RP2: variants seen among roughly 807,000 people sequenced by gnomAD.
RP2 encodes RP2 activator of ARL3 GTPase.
A neutral mutation model predicts 20.3 loss-of-function variants in RP2; 3 were observed. That is an observed-to-expected ratio of 0.15 (90% CI 0.07 to 0.38). The LOEUF is 0.38. Among genes scored for constraint, RP2 ranks in the 10% least tolerant of loss-of-function variants. RP2 has a pLI of 1.00. For missense variants in RP2, 233 were observed against 268.5 expected (o/e 0.87, Z 0.92); for synonymous variants, 75 against 94.8 (o/e 0.79, Z 1.22).
intron 1 of RP2, among the ~76,000 whole-genome samples, chrX:46,838,644 C>T (rs1171277896): frequency 8.9e-6 from 1 of 112,269 alleles, no homozygotes; most frequent in Non-Finnish European, 1.9e-5. Context: ...TCTTGGCTGC[C>T]TATGACTCAT....
intron 1 of RP2, among the ~76,000 whole-genome samples, chrX:46,848,675 C>T (rs782341255): frequency 4.6e-5 from 5 of 109,342 alleles, no homozygotes; most frequent in African/African-American, 1.3e-4. Context: ...TGAGCCACCA[C>T]GCCTGGCCAC....
At chrX:46,849,523 C>T (rs1292899392) in intron 1 of RP2, among the ~76,000 whole-genome samples, 3 of 111,918 alleles carry the variant, frequency 2.7e-5, no homozygotes, top group African/African-American at 6.5e-5. Flanking sequence ...GCTGGGATTA[C>T]AGATGTGAGC....
chrX:46,862,251 A>G (rs978207126), intron 3 of RP2, among the ~76,000 whole-genome samples: 2 of 110,426 alleles, frequency 1.8e-5, no homozygotes, highest in East Asian at 5.7e-4. Context: ...GGTTGCCTGT[A>G]ATCACAGCTA....
chrX:46,860,817 T>C (rs1277360050), intron 3 of RP2, among the ~76,000 whole-genome samples: 1 of 112,191 alleles, frequency 8.9e-6, no homozygotes, highest in Non-Finnish European at 1.9e-5. Context: ...GCAGTGTTGA[T>C]TGGGTATTCC....
chrX:46,842,108 T>C (rs1924632534), intron 1 of RP2, among the ~76,000 whole-genome samples: 1 of 111,422 alleles, frequency 9.0e-6, no homozygotes, highest in South Asian at 3.8e-4. Context: ...GAGATGAGGT[T>C]TCACCATGTT....
chrX:46,853,717 A>G lies in RP2; in HGVS notation c.344A>G (p.Gln115Arg). 1 of 1,212,154 alleles carries G rather than the reference A, an allele frequency of 8.2e-7. No homozygotes were observed. The highest frequency in any genetic ancestry group is 1.1e-6 in the Non-Finnish European group (1 of 895,644). Residue 115 changes from glutamine (Q) to arginine (R), a missense_variant, in exon 2 of 5, where the codon CAA (glutamine) becomes CGA (arginine). By Grantham distance (43) the Gln-to-Arg change is conservative. This residue lies in a region of RP2 where 38 missense variants were observed against 72.9 expected (regional missense o/e 0.52). Transcript: ENST00000218340. ...CRDCKCTLAC[Q>R]QFRVRDCRKL... ...GATTGCAAGTGCACATTAGCCTGCC[A>G]ACAATTTCGTGTGCGAGATTGTAGA...
intron 2 of RP2, among the ~76,000 whole-genome samples, chrX:46,857,929 AT>A (rs1924994023): frequency 8.9e-6 from 1 of 112,038 alleles, no homozygotes; most frequent in African/African-American, 3.2e-5. Flanking sequence ...TGTCCATGTA[AT>A]TCTCTACAAT....
rs1925445812 is a variant in RP2, at chrX:46,880,083, A to T, written c.*314A>T. 7.2e-6 allele frequency: 1 copy of T among 139,858 alleles called. No homozygotes were observed. The highest frequency in any genetic ancestry group is 3.1e-5 in the African/African-American group (1 of 31,877). 11.5% of individuals were successfully genotyped at this position (139,858 alleles called of 1,213,427 possible). On this transcript the variant is annotated 3_prime_UTR_variant, in exon 5 of 5. Coordinates refer to ENST00000218340, the MANE Select transcript of RP2 (RefSeq NM_006915.3). ...AGTTTATTATTTTAATCCTATTTAA[A>T]TGTTCTTTCAAATCTCTAATAATTT...
intron 2 of RP2, among the ~76,000 whole-genome samples, chrX:46,857,948 T>C (rs1158521465): frequency 2.7e-5 from 3 of 112,044 alleles, no homozygotes; most frequent in African/African-American, 9.7e-5. Context: ...AATTTTTAAA[T>C]GTATGTTTCT....
At chrX:46,870,658 C>G (rs1417737048) in intron 3 of RP2, among the ~76,000 whole-genome samples, 5 of 112,120 alleles carry the variant, frequency 4.5e-5, no homozygotes, top group Non-Finnish European at 9.4e-5. Flanking sequence ...ACTACAATAG[C>G]TGAAACAGGC....
intron 1 of RP2, among the ~76,000 whole-genome samples, chrX:46,847,707 T>C (rs1453258947): frequency 2.5e-5 from 2 of 80,342 alleles, no homozygotes; most frequent in African/African-American, 1.0e-4. Context: ...TGTGTGTATA[T>C]ATACACACAT....
At chrX:46,855,687 G>C (rs782438767) in intron 2 of RP2, among the ~76,000 whole-genome samples, 50 of 109,741 alleles carry the variant, frequency 4.6e-4, no homozygotes, top group Non-Finnish European at 8.2e-4. Flanking sequence ...GGCTGGTCTC[G>C]AACTCCTGAC....
rs782780747 is a variant in RP2 at position 46,837,258 on chromosome X, C to G, written c.102+56C>G. ...CCTCCCTGAGCCGCTCCGCCAGGTC[C>G]CTTACGGCCCGGGACCGCTGAGGGG... On this transcript the variant is annotated intron_variant, in intron 1 of 4. Transcript: ENST00000218340. 72 of 1,083,576 alleles carry G rather than the reference C, an allele frequency of 6.6e-5. No homozygotes were observed. In the East Asian group the frequency reaches 2.3e-3, roughly 35 times the overall value. 89.3% of individuals were successfully genotyped at this position (1,083,576 alleles called of 1,213,427 possible). A position where few individuals can be genotyped will look rare whatever the true frequency, so the allele number is the denominator to read the frequency against.
intron 3 of RP2, among the ~76,000 whole-genome samples, chrX:46,862,396 C>T (rs1349716596): frequency 9.7e-6 from 1 of 102,601 alleles, no homozygotes; most frequent in African/African-American, 3.6e-5. Context: ...TGTGGTGGCT[C>T]ACGCCTGTAA....
At chrX:46,842,588 T>A (rs1247406178) in intron 1 of RP2, among the ~76,000 whole-genome samples, 1 of 112,020 alleles carries the variant, frequency 8.9e-6, no homozygotes, top group East Asian at 2.8e-4. Flanking sequence ...AACATTTTCA[T>A]CCCTGGAAAA....
chrX:46,857,752 G>T (rs1177472220), intron 2 of RP2, among the ~76,000 whole-genome samples: 2 of 111,559 alleles, frequency 1.8e-5, no homozygotes, highest in Non-Finnish European at 3.8e-5. Flanking sequence ...TCAAATATCT[G>T]CAGTGAAATA....
intron 1 of RP2, among the ~76,000 whole-genome samples, chrX:46,848,787 G>A (rs989597644): frequency 9.1e-6 from 1 of 109,709 alleles, no homozygotes; most frequent in Non-Finnish European, 1.9e-5. Flanking sequence ...CCAGCACTTT[G>A]GGAGGCTGAG....
intron 2 of RP2, among the ~76,000 whole-genome samples, chrX:46,859,402 T>C (rs554753840): frequency 2.8e-5 from 3 of 107,646 alleles, no homozygotes; most frequent in African/African-American, 1.0e-4. Context: ...GGTGGGAGAA[T>C]CGTTTGAACC....
At chrX:46,867,226 G>A (rs1345606824) in intron 3 of RP2, among the ~76,000 whole-genome samples, 4 of 111,242 alleles carry the variant, frequency 3.6e-5, no homozygotes, top group African/African-American at 1.3e-4. Context: ...TCAGCTTCCC[G>A]AGTAGCGGGG....
Sources: gnomAD v4.1 joint callset for allele counts (sites outside exome capture counted in the v4.1 genomes callset) on GRCh38, gnomAD v4.1.1 for gene constraint, gnomAD v4.1.1 regional missense constraint, MANE v1.5 for transcripts, NCBI Gene and HGNC (gene_info 2026-07-23, HGNC 2026-07-21) for gene names.